The following TWIST2 variants were observed in gnomAD, a reference collection of about 807,000 sequenced individuals.
The protein encoded by TWIST2 is twist-related protein 2.
Under a neutral mutation model 11.6 loss-of-function variants are expected in TWIST2, and 1 was observed. The observed-to-expected ratio is 0.09, with a 90% CI of 0.03 to 0.41. TWIST2 has a LOEUF of 0.41. Among genes scored for constraint, TWIST2 ranks in the 10% least tolerant of loss-of-function variants. The probability of loss-of-function intolerance (pLI) is 0.98; values close to 1 mark genes in which losing one functional copy is unlikely to be tolerated. For missense variants in TWIST2, 168 were observed against 226.4 expected (o/e 0.74, Z 1.66); for synonymous variants, 87 against 96.6 (o/e 0.90, Z 0.58).
chr2:238,862,463 G>A (rs1692452186), intron 1 of TWIST2, among the ~76,000 whole-genome samples: 2 of 152,150 alleles, frequency 1.3e-5, no homozygotes, highest in South Asian at 2.1e-4. Flanking sequence ...CGCGTGAAGT[G>A]TTGAACTTCA....
At chr2:238,902,089 C>T (rs1038279804) in intron 1 of TWIST2, among the ~76,000 whole-genome samples, 9 of 152,282 alleles carry the variant, frequency 5.9e-5, no homozygotes, top group East Asian at 1.9e-4. Flanking sequence ...TCACAGCCCA[C>T]GCTTCTGTGG....
At chr2:238,862,284 T>C (rs1226896975) in intron 1 of TWIST2, among the ~76,000 whole-genome samples, 1 of 152,160 alleles carries the variant, frequency 6.6e-6, no homozygotes, top group Non-Finnish European at 1.5e-5. Flanking sequence ...CAAAAAACTA[T>C]GACAATCAAA....
At position 238,866,849 on chromosome 2, in the gene TWIST2, G is replaced by A. The variant is rs575317824; in HGVS notation, c.*35+18116G>A. Among the ~76,000 whole-genome samples the A allele has an allele frequency of 3.6e-4, 55 of 152,202 alleles. No homozygotes were observed. Among genetic ancestry groups the A allele is most frequent in the African/African-American group, 1.3e-3 (54 of 41,540 alleles). ...CCCCTAGCGGCCTGGCAGCTGCGAC[G>A]GTTTGTCTGCCTGTCACCCCGGGAG... is the stretch of plus-strand genomic sequence containing the variant. On this transcript the variant is annotated intron_variant, in intron 1 of 1. Transcript: ENST00000612363. The surrounding 1 kb of genome is among the most constrained non-coding windows in gnomAD (Gnocchi z 4.9).
At chr2:238,876,422 C>G (rs1166397588) in intron 1 of TWIST2, among the ~76,000 whole-genome samples, 1 of 152,188 alleles carries the variant, frequency 6.6e-6, no homozygotes, top group Non-Finnish European at 1.5e-5. Flanking sequence ...ACTGTCCACT[C>G]AGTTATTAAG....
At chr2:238,891,921 C>T (rs992680832) in intron 1 of TWIST2, among the ~76,000 whole-genome samples, 1 of 152,176 alleles carries the variant, frequency 6.6e-6, no homozygotes, top group African/African-American at 2.4e-5. Flanking sequence ...CTATGTAGGA[C>T]AAGCTGTATT....
chr2:238,907,530 G>A (rs1352673247), intron 1 of TWIST2, among the ~76,000 whole-genome samples: 3 of 152,110 alleles, frequency 2.0e-5, no homozygotes, highest in Non-Finnish European at 4.4e-5. Flanking sequence ...CACCAAGCCT[G>A]GCACACCCAC....
chr2:238,909,537 C>T (rs1330339229), intron 1 of TWIST2, among the ~76,000 whole-genome samples: 1 of 152,146 alleles, frequency 6.6e-6, no homozygotes, highest in Non-Finnish European at 1.5e-5. Flanking sequence ...CTGCGCTGAG[C>T]ACGGGCCAGG....
chr2:238,873,497 G>C (rs938970472), intron 1 of TWIST2, among the ~76,000 whole-genome samples: 2 of 152,224 alleles, frequency 1.3e-5, no homozygotes, highest in African/African-American at 4.8e-5. Context: ...GGGGTTGGGA[G>C]TGGGCAGGGG....
At chr2:238,870,005 C>G (rs1692617254) in intron 1 of TWIST2, among the ~76,000 whole-genome samples, 1 of 151,772 alleles carries the variant, frequency 6.6e-6, no homozygotes, top group African/African-American at 2.4e-5. Context: ...TCATTGGGCA[C>G]TGCTGGTGGG....
rs1692630693 is a variant in TWIST2 at position 238,870,186 on chromosome 2, ATCACATACCACACACAAACCACACACCC to A, written c.*35+21454_*35+21481del. Among the ~76,000 whole-genome samples the A allele has an allele frequency of 4.0e-3, 2 of 496 alleles. 1 individual carries two copies. The highest frequency in any genetic ancestry group is 0.5 in the South Asian group (2 of 4). 0.3% of individuals were successfully genotyped at this position (496 alleles called of 152,430 possible). A position where few individuals can be genotyped will look rare whatever the true frequency, so the allele number is the denominator to read the frequency against. On this transcript the variant is annotated intron_variant, in intron 1 of 1. Coordinates refer to ENST00000612363, the MANE Select transcript of TWIST2 (RefSeq NM_001271893.4). ...CACACACCACACACCCCACACACAC[ATCACATACCACACACAAACCACACACCC>A]CACACACACATCACATACCACACAC...
At chr2:238,874,833 A>G (rs1309841120) in intron 1 of TWIST2, among the ~76,000 whole-genome samples, 1 of 152,100 alleles carries the variant, frequency 6.6e-6, no homozygotes, top group Non-Finnish European at 1.5e-5. Flanking sequence ...TGGGCTCCCC[A>G]GGGTACTTGA....
intron 1 of TWIST2, among the ~76,000 whole-genome samples, chr2:238,859,180 C>G (rs1053423356): frequency 6.7e-6 from 1 of 148,684 alleles, no homozygotes. Flanking sequence ...CCACTGCACT[C>G]CAGCCTAGGC....
chr2:238,848,363 C>A lies in TWIST2; in HGVS notation c.148C>A (p.Arg50Ser). The change falls in exon 1 of 2, where the codon CGC becomes AGC. Residue 50 changes from arginine to serine, a missense_variant. Transcript: ENST00000612363. ...AGATGGCAGCCCGACCCCGGGCAAG[C>A]GCGGCAAGAAGGGCAGCCCCAGCGC... ...SEDGSPTPGK[R>S]GKKGSPSAQS... is the part of the protein sequence containing the mutation. 6.5e-7 allele frequency: 1 copy of A among 1,534,686 alleles called. No homozygotes were observed. The highest frequency in any genetic ancestry group is 1.2e-5 in the South Asian group (1 of 84,024).
At chr2:238,879,363 T>G (rs576356765) in intron 1 of TWIST2, among the ~76,000 whole-genome samples, 1 of 152,158 alleles carries the variant, frequency 6.6e-6, no homozygotes, top group Non-Finnish European at 1.5e-5. Flanking sequence ...TTTCCTCTGG[T>G]TCTCCAGTCG....
At chr2:238,868,911 A>G (rs752345119) in intron 1 of TWIST2, among the ~76,000 whole-genome samples, 10 of 152,248 alleles carry the variant, frequency 6.6e-5, no homozygotes, top group Admixed American at 1.3e-4. Context: ...ATCCACCTGC[A>G]TTCTCTCGCA....
At chr2:238,875,982 AG>A (rs980321921) in intron 1 of TWIST2, among the ~76,000 whole-genome samples, 1 of 151,558 alleles carries the variant, frequency 6.6e-6, no homozygotes, top group Non-Finnish European at 1.5e-5. Context: ...GGGTGCAGGG[AG>A]GGTGGGGGAC....
At chr2:238,905,940 T>C (rs1470301546) in intron 1 of TWIST2, among the ~76,000 whole-genome samples, 3,165 of 107,360 alleles carry the variant, frequency 0.029, 48 homozygotes, top group East Asian at 0.061. Context: ...TGCGCGTGTG[T>C]GTGCGCGCGC....
At chr2:238,882,469 C>T (rs1692955067) in intron 1 of TWIST2, among the ~76,000 whole-genome samples, 1 of 152,194 alleles carries the variant, frequency 6.6e-6, no homozygotes, top group South Asian at 2.1e-4. Context: ...TGCCAGGGTG[C>T]CCTGCCTTAC....
intron 1 of TWIST2, among the ~76,000 whole-genome samples, chr2:238,877,752 CT>C (rs1374494117): frequency 6.6e-6 from 1 of 152,108 alleles, no homozygotes; most frequent in African/African-American, 2.4e-5. Context: ...CATATCATTT[CT>C]TTTACAATTT....
Sources: allele counts gnomAD v4.1 joint callset (sites outside exome capture counted in the v4.1 genomes callset), GRCh38; gene constraint gnomAD v4.1.1; non-coding constraint Gnocchi (gnomAD v3.1); transcripts MANE v1.5; gene names NCBI Gene and HGNC (gene_info 2026-07-23, HGNC 2026-07-21).